Variants in ZNF804B observed in about 807,000 individuals in gnomAD.
ZNF804B encodes zinc finger protein 804B, also known as zinc finger 804B.
In ZNF804B, 80 loss-of-function variants were observed where a neutral mutation model predicts 101.4. The ratio of observed to expected loss-of-function variants is 0.79; its 90% CI spans 0.66 to 0.95. The LOEUF is 0.95. ZNF804B is among the 40% of genes least tolerant of loss of function. The pLI, the probability that ZNF804B is intolerant of heterozygous loss-of-function variation, is 0.00. For synonymous variants in ZNF804B, 622 were observed against 558.8 expected (o/e 1.11, Z -1.59); for missense variants, 1,673 against 1,561.9 (o/e 1.07, Z -1.20).
At chr7:89,297,022 G>A (rs1489154953) in intron 2 of ZNF804B, among the ~76,000 whole-genome samples, 5 of 151,936 alleles carry the variant, frequency 3.3e-5, no homozygotes, top group African/African-American at 1.2e-4. Context: ...ACAAAATTGA[G>A]CGGTCAAGAA....
At chr7:89,017,387 T>G (rs902793493) in intron 1 of ZNF804B, among the ~76,000 whole-genome samples, 5 of 152,216 alleles carry the variant, frequency 3.3e-5, no homozygotes, top group Admixed American at 1.3e-4. Flanking sequence ...AATAGGAGTG[T>G]TGAGAGAGGG....
chr7:88,771,226 G>GA (rs1270472435), intron 1 of ZNF804B, among the ~76,000 whole-genome samples: 5 of 151,476 alleles, frequency 3.3e-5, no homozygotes, highest in South Asian at 2.1e-4. Context: ...AATTCCTAGG[G>GA]AAAAAAGCAT....
intron 1 of ZNF804B, among the ~76,000 whole-genome samples, chr7:88,900,658 A>G (rs568800855): frequency 1.3e-5 from 2 of 150,884 alleles, no homozygotes; most frequent in East Asian, 3.9e-4. Flanking sequence ...GTGGGTTTAG[A>G]CAGATATTTG....
rs150305334 is a variant in ZNF804B, at chr7:89,133,617, C to T, written c.109-84538C>T. On this transcript the variant is annotated intron_variant, in intron 1 of 3. Transcript: ENST00000333190. Reference sequence around the variant, plus strand: ...TGAGCTGTGTTCCATACAAAAGTCACTTAAGAAATAACAAAGTTGTCCTGG... The same window carrying T: ...TGAGCTGTGTTCCATACAAAAGTCATTTAAGAAATAACAAAGTTGTCCTGG... 3.3e-5 allele frequency among the ~76,000 whole-genome samples: 5 copies of T among 152,148 alleles called. No individual in the cohort carries two copies. The East Asian group carries it at 9.7e-4, about 30-fold the overall frequency.
chr7:88,959,308 C>T (rs906060528), intron 1 of ZNF804B, among the ~76,000 whole-genome samples: 2 of 151,340 alleles, frequency 1.3e-5, no homozygotes, highest in Admixed American at 1.3e-4. Context: ...ACATTTTACA[C>T]ATAAGCTTAA....
intron 1 of ZNF804B, among the ~76,000 whole-genome samples, chr7:88,783,899 A>G (rs950056783): frequency 6.6e-6 from 1 of 152,152 alleles, no homozygotes; most frequent in Non-Finnish European, 1.5e-5. Context: ...GTCATATAAG[A>G]CATATTCATA....
At chr7:88,906,433 G>C (rs923418638) in intron 1 of ZNF804B, among the ~76,000 whole-genome samples, 75 of 152,190 alleles carry the variant, frequency 4.9e-4, no homozygotes, top group African/African-American at 1.6e-3. Context: ...TTGGTAAGTT[G>C]TGTCCCTATT....
At chr7:89,309,563 T>A (rs1251626884) in intron 2 of ZNF804B, among the ~76,000 whole-genome samples, 1 of 151,638 alleles carries the variant, frequency 6.6e-6, no homozygotes, top group Non-Finnish European at 1.5e-5. Context: ...AGTTGGAGAC[T>A]AGCCTGGCCA....
chr7:89,151,843 T>C (rs895791400), intron 1 of ZNF804B, among the ~76,000 whole-genome samples: 1 of 152,112 alleles, frequency 6.6e-6, no homozygotes, highest in Non-Finnish European at 1.5e-5. Flanking sequence ...TCATAGGCTA[T>C]GATCTACCTC....
chr7:89,156,013 C>T (rs148582553), intron 1 of ZNF804B, among the ~76,000 whole-genome samples: 27,677 of 117,644 alleles, frequency 0.24, 3,185 homozygotes, highest in Middle Eastern at 0.44. Flanking sequence ...CTTTCTTTCT[C>T]TCTTTCCTTT....
At chr7:89,301,002 G>A (rs964905147) in intron 2 of ZNF804B, among the ~76,000 whole-genome samples, 1 of 151,344 alleles carries the variant, frequency 6.6e-6, no homozygotes, top group African/African-American at 2.4e-5. Context: ...TATAACTTAG[G>A]GGATGAGCTA....
At chr7:89,291,999 A>G (rs1790299924) in intron 2 of ZNF804B, among the ~76,000 whole-genome samples, 1 of 152,138 alleles carries the variant, frequency 6.6e-6, no homozygotes, top group Non-Finnish European at 1.5e-5. Flanking sequence ...GTGCTGAAAG[A>G]AAAACAAAAT....
At chr7:88,984,404 A>G (rs1793732364) in intron 1 of ZNF804B, among the ~76,000 whole-genome samples, 1 of 151,122 alleles carries the variant, frequency 6.6e-6, no homozygotes, top group Non-Finnish European at 1.5e-5. Context: ...TTTGTTGTTT[A>G]CTTAGACTCT....
chr7:89,020,560 CT>C (rs1788651054), intron 1 of ZNF804B, among the ~76,000 whole-genome samples: 1 of 152,066 alleles, frequency 6.6e-6, no homozygotes, highest in South Asian at 2.1e-4. Flanking sequence ...TGGCTTAAAT[CT>C]ATTTTGTAAT....
chr7:88,887,913 A>C (rs901506514), intron 1 of ZNF804B, among the ~76,000 whole-genome samples: 1 of 152,148 alleles, frequency 6.6e-6, no homozygotes, highest in Non-Finnish European at 1.5e-5. Context: ...AAAACACAGG[A>C]ATGTATATAT....
intron 1 of ZNF804B, chr7:88,794,634 G>A (rs747501220): frequency 3.5e-5 from 56 of 1,613,620 alleles, no homozygotes; most frequent in Non-Finnish European, 6.8e-6. Context: ...GAGTGTCGCT[G>A]GAGGACTCGA....
chr7:89,217,155 G>A (rs1788908883), intron 1 of ZNF804B, among the ~76,000 whole-genome samples: 1 of 152,300 alleles, frequency 6.6e-6, no homozygotes, highest in East Asian at 1.9e-4. Context: ...ATAATTTAAT[G>A]CTATGTGACA....
At chr7:89,303,692 A>G (rs1050211090) in intron 2 of ZNF804B, among the ~76,000 whole-genome samples, 10 of 151,938 alleles carry the variant, frequency 6.6e-5, no homozygotes, top group African/African-American at 1.4e-4. Flanking sequence ...AAATCTTACA[A>G]TTCATGTGGG....
At chr7:88,952,795 T>C (rs758966698) in intron 1 of ZNF804B, among the ~76,000 whole-genome samples, 1 of 151,724 alleles carries the variant, frequency 6.6e-6, no homozygotes, top group East Asian at 2.0e-4. Context: ...GGCAAAAAAG[T>C]TGGGTTTCTA....
Sources: allele counts gnomAD v4.1 joint callset (sites outside exome capture counted in the v4.1 genomes callset), GRCh38; gene constraint gnomAD v4.1.1; transcripts MANE v1.5; gene names NCBI Gene and HGNC (gene_info 2026-07-23, HGNC 2026-07-21).